MRO: variants seen among roughly 807,000 people sequenced by gnomAD.
The protein encoded by MRO is maestro, also known as protein maestro.
MRO carries 28 observed loss-of-function variants against 31.0 expected under a neutral mutation model. That is an observed-to-expected ratio of 0.90 (90% CI 0.67 to 1.24). The LOEUF (loss-of-function observed/expected upper bound fraction) is 1.24. Ranked by LOEUF, MRO falls within the 50% of genes most tolerant of loss-of-function variation. MRO has a pLI of 0.00. For missense variants in MRO, 332 were observed against 289.2 expected (o/e 1.15, Z -1.07); for synonymous variants, 108 against 108.4 (o/e 1.00, Z 0.02).
intron 2 of MRO, among the ~76,000 whole-genome samples, chr18:50,811,978 G>T (rs1914517579): frequency 6.6e-6 from 1 of 152,082 alleles, no homozygotes; most frequent in South Asian, 2.1e-4. Flanking sequence ...CTGACCTCAA[G>T]TGATCTGCCT....
At chr18:50,818,435 G>T (rs1280533193) in intron 2 of MRO, among the ~76,000 whole-genome samples, 2 of 152,074 alleles carry the variant, frequency 1.3e-5, no homozygotes, top group African/African-American at 4.8e-5. Flanking sequence ...CAGACCCCTT[G>T]GTTTTCACGA....
In MRO at chr18:50,799,133, G is replaced by C; in HGVS notation, c.*204C>G. 2 of 537,274 alleles carry C rather than the reference G, an allele frequency of 3.7e-6. No individual in the cohort carries two copies. Among genetic ancestry groups the C allele is most frequent in the South Asian group, 4.5e-5 (2 of 44,248 alleles). The allele number at this position is 537,274 out of a possible 1,614,324, so 33.3% of individuals were successfully genotyped here. A position where few individuals can be genotyped will look rare whatever the true frequency, so the allele number is the denominator to read the frequency against. On this transcript the variant is annotated 3_prime_UTR_variant, in exon 8 of 8. Transcript: ENST00000398439. ...TTTGTATGGGGAGGAAATGAAATAAGTGAAAGCAGTCTAGAATTTTACTTT... is the reference window on the plus strand; with the variant it reads ...TTTGTATGGGGAGGAAATGAAATAACTGAAAGCAGTCTAGAATTTTACTTT...
upstream of MRO, chr18:50,820,105 G>T (rs1449347037): frequency 9.3e-6 from 7 of 754,318 alleles, no homozygotes; most frequent in Non-Finnish European, 1.6e-5. Flanking sequence ...TCAATGGACG[G>T]GTTCCAGGCG....
rs1232592810 is a variant in MRO at position 50,803,506 on chromosome 18, CA to C, written c.429+1647del. Among the ~76,000 whole-genome samples, 558 of 128,194 alleles carry C rather than the reference CA, an allele frequency of 4.4e-3. 4 individuals are homozygous for C. The highest frequency in any genetic ancestry group is 0.011 in the African/African-American group (381 of 34,442). 84.1% of individuals were successfully genotyped at this position (128,194 alleles called of 152,430 possible). A position where few individuals can be genotyped will look rare whatever the true frequency, so the allele number is the denominator to read the frequency against. On this transcript the variant is annotated intron_variant, in intron 5 of 7. Transcript: ENST00000398439. ...TGGGCAATACAGCGAGACCCTGTCT[CA>C]AAAAAAAAAAAAAAAGTGGTTGAAT...
At chr18:50,802,231 G>A (rs1166643410) in intron 5 of MRO, among the ~76,000 whole-genome samples, 3 of 151,854 alleles carry the variant, frequency 2.0e-5, no homozygotes, top group Non-Finnish European at 4.4e-5. Flanking sequence ...TTTGGTTTGA[G>A]TTTCTCCTAT....
rs1052245041 is a variant in MRO, at chr18:50,815,690, T to C, written c.-5+3891A>G. The C allele has an allele frequency of 9.3e-6, 4 of 428,000 alleles. No individual in the cohort carries two copies. In the Admixed American group the frequency reaches 1.0e-4, roughly 11 times the overall value. 26.5% of individuals were successfully genotyped at this position (428,000 alleles called of 1,614,324 possible). A position where few individuals can be genotyped will look rare whatever the true frequency, so the allele number is the denominator to read the frequency against. The stretch of plus-strand genomic sequence containing the variant: ...CAGGCAGTCCCTGTGGTGACCGTTA[T>C]GGATCTGGTAGTGGAAATGGTGGAT... On this transcript the variant is annotated intron_variant, in intron 2 of 7. Transcript: ENST00000398439.
chr18:50,821,498 A>G (rs746611750), upstream of MRO, among the ~76,000 whole-genome samples: 10 of 152,224 alleles, frequency 6.6e-5, no homozygotes, highest in Non-Finnish European at 8.8e-5. Context: ...TAATCCATGT[A>G]GTGCTTAGAA....
At chr18:50,800,769 C>T (rs1318986421) in intron 6 of MRO, among the ~76,000 whole-genome samples, 1 of 151,462 alleles carries the variant, frequency 6.6e-6, no homozygotes, top group Admixed American at 6.6e-5. Flanking sequence ...ACCTGTAATC[C>T]CAGCTACTCA....
chr18:50,803,287 A>G (rs112011472), intron 5 of MRO, among the ~76,000 whole-genome samples: 7,015 of 152,124 alleles, frequency 0.046, 262 homozygotes, highest in African/African-American at 0.11. Context: ...AGACAGGAGA[A>G]TCGCTTGAGC....
intron 4 of MRO, among the ~76,000 whole-genome samples, chr18:50,806,269 G>A (rs1007067200): frequency 3.3e-5 from 5 of 152,092 alleles, no homozygotes; most frequent in African/African-American, 1.2e-4. Context: ...AGGAGGAGGC[G>A]ACACCCTCCT....
intron 2 of MRO, among the ~76,000 whole-genome samples, chr18:50,812,780 G>A (rs539970656): frequency 6.6e-6 from 1 of 152,232 alleles, no homozygotes; most frequent in South Asian, 2.1e-4. Context: ...TGGCAGGCAA[G>A]CAGCTGCAGC....
At chr18:50,801,305 A>G in intron 6 of MRO, 44 bp downstream of exon 6, 2 of 1,501,758 alleles carry the variant, frequency 1.3e-6, no homozygotes, top group South Asian at 2.7e-5. Context: ...CTTTATGAAT[A>G]GCATGGAGAT....
intron 2 of MRO, chr18:50,814,557 T>C (rs1392535179): frequency 2.9e-5 from 6 of 205,632 alleles, no homozygotes; most frequent in Admixed American, 4.2e-5. Flanking sequence ...GCCTTGGTTT[T>C]GTGACTTACG....
rs9957184 is a variant in MRO at position 50,809,945 on chromosome 18, A to G, written c.-4-541T>C. ...GTAATAAACAATATTGTGTTCTTTA[A>G]TGGTTTGGGCAGGGGAAGGGAGAGT... On this transcript the variant is annotated intron_variant, in intron 2 of 7. Transcript: ENST00000398439. Among the ~76,000 whole-genome samples, 291 of 152,258 alleles carry G rather than the reference A, an allele frequency of 1.9e-3. 2 individuals are homozygous for G. The highest frequency in any genetic ancestry group is 6.6e-3 in the African/African-American group (276 of 41,552).
chr18:50,806,807 T>G lies in MRO; in HGVS notation c.143A>C (p.Asn48Thr). The G allele has an allele frequency of 6.2e-7, 1 of 1,614,150 alleles. No homozygotes were observed. Among genetic ancestry groups the G allele is most frequent in the Non-Finnish European group, 8.5e-7 (1 of 1,180,028 alleles). Residue 48 changes from asparagine to threonine, a missense_variant, in exon 4 of 8, where the codon AAT (asparagine) becomes ACT (threonine). Physicochemically the swap from Asn to Thr is moderately conservative, Grantham distance 65 (BLOSUM62 0). Coordinates refer to ENST00000398439, the MANE Select transcript of MRO (RefSeq NM_031939.6). ...TCTTTCTGCCAAGATGAAAAACACA[T>G]TCTTCAGAGGCTCCCGCTTCTGGAA... ...LRFQKREPLK[N>T]VFFILAERAR... is the part of the protein sequence containing the mutation.
rs72627210 is a variant in MRO, at chr18:50,819,656, A to G, written c.-80T>C. On this transcript the variant is annotated 5_prime_UTR_variant, in exon 2 of 8. Transcript: ENST00000398439. ...ACTCGGGAGGGCTGCTTTCCCGGGT[A>G]GTAGCCAAATGTGATGACTCGGCTA... 5,374 of 1,551,504 alleles carry G rather than the reference A, an allele frequency of 3.5e-3. 119 individuals carry two copies. The East Asian group carries it at 0.065, about 19-fold the overall frequency.
chr18:50,803,900 A>G (rs986218347), intron 5 of MRO, among the ~76,000 whole-genome samples: 1 of 152,268 alleles, frequency 6.6e-6, no homozygotes, highest in Non-Finnish European at 1.5e-5. Flanking sequence ...TTTCAGGGAC[A>G]GAATAACTGG....
At chr18:50,814,247 CT>C (rs1297766198) in intron 2 of MRO, 1 of 151,402 alleles carries the variant, frequency 6.6e-6, no homozygotes, top group Non-Finnish European at 1.5e-5. Context: ...TATTAGCATA[CT>C]TGTGAATTTT....
chr18:50,823,126 G>T (rs940222570), upstream of MRO, among the ~76,000 whole-genome samples: 1 of 152,056 alleles, frequency 6.6e-6, no homozygotes, highest in Non-Finnish European at 1.5e-5. Flanking sequence ...AGAACACGAG[G>T]CCATGAAAGC....
Sources: allele counts gnomAD v4.1 joint callset (sites outside exome capture counted in the v4.1 genomes callset), GRCh38; gene constraint gnomAD v4.1.1; transcripts MANE v1.5; gene names NCBI Gene and HGNC (gene_info 2026-07-23, HGNC 2026-07-21).